Variants in ACBD4 observed in about 807,000 individuals in gnomAD.
ACBD4 encodes the protein acyl-CoA-binding domain-containing protein 4.
A neutral mutation model predicts 46.0 loss-of-function variants in ACBD4; 41 were observed. That is an observed-to-expected ratio of 0.89 (90% CI 0.69 to 1.16). ACBD4 has a LOEUF of 1.16. Among genes scored for constraint, ACBD4 ranks in the 50% most tolerant of loss-of-function variants. The pLI is 0.00. For missense variants in ACBD4, 393 were observed against 399.5 expected (o/e 0.98, Z 0.14); for synonymous variants, 162 against 155.9 (o/e 1.04, Z -0.29).
At chr17:45,133,155 C>G (rs930962439), upstream of ACBD4, 17 of 152,258 alleles carry the variant, frequency 1.1e-4, no homozygotes, top group Non-Finnish European at 2.9e-5. Context: ...AGGCCGGCAC[C>G]CCAGCCCGGC....
At chr17:45,137,701 A>G in intron 6 of ACBD4, 59 bp from the exon 7 acceptor site, 5 of 1,586,186 alleles carry the variant, frequency 3.2e-6, no homozygotes, top group Non-Finnish European at 4.3e-6. Flanking sequence ...CCCAGTGCAC[A>G]CTCCTGCTCT....
intron 9 of ACBD4, among the ~76,000 whole-genome samples, chr17:45,141,362 G>C (rs2055262747): frequency 6.6e-6 from 1 of 152,114 alleles, no homozygotes. Context: ...CTGTGAACTG[G>C]AGGTTAGATC....
chr17:45,132,381 G>A, upstream of ACBD4: 1 of 1,227,364 alleles, frequency 8.1e-7, no homozygotes, highest in Non-Finnish European at 1.0e-6. The surrounding 1 kb of genome is among the most constrained non-coding windows in gnomAD (Gnocchi z 4.6). Flanking sequence ...CGGGCGGGCG[G>A]CGGCAACGCC....
chr17:45,142,388 TCAAAAAAAA>T, intron 9 of ACBD4, among the ~76,000 whole-genome samples: 1 of 7,502 alleles, frequency 1.3e-4, no homozygotes, highest in African/African-American at 6.6e-4. Context: ...GCAAGACTCC[TCAAAAAAAA>T]AAAAAAAAAA....
chr17:45,139,454 G>A (rs1041552014), intron 9 of ACBD4, among the ~76,000 whole-genome samples: 4 of 152,210 alleles, frequency 2.6e-5, no homozygotes, highest in Admixed American at 2.0e-4. Flanking sequence ...TGATGTGTCT[G>A]CTCTGGGCAT....
rs754470813 is a variant in ACBD4, at chr17:45,143,468, G to A, written c.815G>A (p.Arg272Gln). The A allele has an allele frequency of 1.4e-5, 23 of 1,612,054 alleles. No individual in the cohort carries two copies. Among genetic ancestry groups the A allele is most frequent in the Non-Finnish European group, 1.9e-5 (22 of 1,179,816 alleles). Residue 272 changes from arginine to glutamine, a missense_variant, in exon 10 of 10, where the codon CGG becomes CAG. Transcript: ENST00000321854. ...EQRPQPRPSARPWPLGLPGPA... is the reference protein window; with the variant it reads ...EQRPQPRPSAQPWPLGLPGPA... ...AGGCCGCAGCCCAGGCCCAGTGCTC[G>A]GCCATGGCCCCTTGGGCTCCCGGGG...
intron 9 of ACBD4, chr17:45,142,649 C>T (rs538137852): frequency 4.9e-4 from 88 of 178,636 alleles, no homozygotes; most frequent in Non-Finnish European, 7.4e-4. Flanking sequence ...TCCGCCTCCC[C>T]GGGTTCAAGC....
upstream of ACBD4, chr17:45,132,419 G>T (rs917934938): frequency 5.0e-6 from 6 of 1,208,440 alleles, no homozygotes; most frequent in East Asian, 3.4e-5. This position sits in a 1 kb window ranked among gnomAD's most constrained non-coding sequence, Gnocchi z 4.6. Flanking sequence ...ATGGCTTGGC[G>T]GGGGGCCGGG....
chr17:45,138,121 C>T, intron 8 of ACBD4, 133 bp downstream of exon 8: 1 of 992,408 alleles, frequency 1.0e-6, no homozygotes, highest in Non-Finnish European at 1.5e-6. Context: ...AGCCTCTGTC[C>T]AGGAAGGGCT....
At chr17:45,138,285 C>T (rs1290129831) in intron 8 of ACBD4, 2 of 529,020 alleles carry the variant, frequency 3.8e-6, no homozygotes, top group African/African-American at 3.8e-5. Flanking sequence ...GCTGCACAGC[C>T]TCAGGAAGTC....
chr17:45,143,863 T>C lies in ACBD4; in HGVS notation c.*292T>C, dbSNP rs1034951916. The stretch of plus-strand genomic sequence containing the variant: ...GACTCGGGGGCGGGGCGATCGGGTC[T>C]CAGCCCCTGCCTTCCCCAGTCTCTG... On this transcript the variant is annotated 3_prime_UTR_variant, in exon 10 of 10. Transcript: ENST00000321854. The C allele has an allele frequency of 1.3e-5, 6 of 470,306 alleles. No homozygotes were observed. Among genetic ancestry groups the C allele is most frequent in the Non-Finnish European group, 1.9e-5 (5 of 264,270 alleles). The allele number at this position is 470,306 out of a possible 1,614,324, so 29.1% of individuals were successfully genotyped here.
intron 9 of ACBD4, among the ~76,000 whole-genome samples, chr17:45,142,406 A>G (rs1279691915): frequency 5.3e-4 from 79 of 149,002 alleles, no homozygotes; most frequent in African/African-American, 1.9e-3. Context: ...AAAAAAAAAA[A>G]AAAAAAAAAA....
upstream of ACBD4, chr17:45,132,471 G>T (rs1212795888): frequency 1.1e-5 from 12 of 1,058,134 alleles, no homozygotes; most frequent in Non-Finnish European, 1.4e-5. The surrounding 1 kb of genome is among the most constrained non-coding windows in gnomAD (Gnocchi z 4.6). Flanking sequence ...GCAGCGGGGC[G>T]CCGCTCTGGC....
intron 9 of ACBD4, among the ~76,000 whole-genome samples, chr17:45,140,750 C>T (rs919334652): frequency 2.6e-5 from 4 of 152,054 alleles, no homozygotes; most frequent in Non-Finnish European, 4.4e-5. Flanking sequence ...TGGTGGCTCA[C>T]GCCTGTAATC....
upstream of ACBD4, chr17:45,132,446 G>A (rs1293041885): frequency 4.3e-6 from 5 of 1,174,150 alleles, no homozygotes; most frequent in Admixed American, 4.5e-5. The surrounding 1 kb of genome is among the most constrained non-coding windows in gnomAD (Gnocchi z 4.6). Context: ...CCCGGGGTCT[G>A]CACGCGGGGA....
chr17:45,136,417 C>G, intron 2 of ACBD4, 83 bp from the exon 3 acceptor site: 8 of 1,519,666 alleles, frequency 5.3e-6, no homozygotes, highest in Non-Finnish European at 7.2e-6. Flanking sequence ...CACCTCTGCC[C>G]TTTCCAAGCA....
At chr17:45,138,267 C>T (rs2055004385) in intron 8 of ACBD4, 4 of 554,984 alleles carry the variant, frequency 7.2e-6, no homozygotes, top group Middle Eastern at 9.6e-4. Context: ...CCAGTTCTCC[C>T]ACCTACAGCT....
At chr17:45,137,226 G>A (rs1190967205) in intron 5 of ACBD4, 87 bp downstream of exon 5, 1 of 1,604,540 alleles carries the variant, frequency 6.2e-7, no homozygotes, top group Non-Finnish European at 8.5e-7. Context: ...GAGGGCTCCA[G>A]GCGACATCCC....
chr17:45,143,317 T>A, intron 9 of ACBD4, 126 bp from the exon 10 acceptor site: 1 of 814,696 alleles, frequency 1.2e-6, no homozygotes, highest in Non-Finnish European at 1.8e-6. Flanking sequence ...TGGGGGCCAC[T>A]TCCTTTCTAG....
Sources: gnomAD v4.1 joint callset for allele counts (sites outside exome capture counted in the v4.1 genomes callset) on GRCh38, gnomAD v4.1.1 for gene constraint, Gnocchi (gnomAD v3.1) non-coding constraint, MANE v1.5 for transcripts, NCBI Gene and HGNC (gene_info 2026-07-23, HGNC 2026-07-21) for gene names.